Variants in MAGI1 observed in about 807,000 individuals in gnomAD.
The protein encoded by MAGI1 is membrane associated guanylate kinase, WW and PDZ domain containing 1.
In MAGI1, 58 loss-of-function variants were observed where a neutral mutation model predicts 139.9. The observed-to-expected ratio is 0.41, with a 90% confidence interval of 0.34 to 0.52. The LOEUF is 0.52. Ranked by LOEUF, MAGI1 falls within the 20% of genes least tolerant of loss-of-function variation. The probability of loss-of-function intolerance (pLI) is 0.12; values close to 1 mark genes in which losing one functional copy is unlikely to be tolerated. For missense variants in MAGI1, 1,874 were observed against 1,901.6 expected (o/e 0.99, Z 0.27); for synonymous variants, 812 against 737.9 (o/e 1.10, Z -1.63).
chr3:65,866,837 C>T (rs2108467388), intron 1 of MAGI1, among the ~76,000 whole-genome samples: 1 of 152,172 alleles, frequency 6.6e-6, no homozygotes, highest in East Asian at 1.9e-4. Flanking sequence ...TTACCAAGAG[C>T]AAAAGAAGTC....
At chr3:65,750,492 TAAATAGTGATTTGATTTGTTTAAC>T (rs2036057686) in intron 1 of MAGI1, among the ~76,000 whole-genome samples, 1 of 152,210 alleles carries the variant, frequency 6.6e-6, no homozygotes, top group Non-Finnish European at 1.5e-5. Flanking sequence ...ATAGTTACTC[TAAATAGTGATTTGATTTGTTTAAC>T]AAATACTGGT....
In MAGI1 at chr3:65,889,235, T is replaced by C. The variant is rs2060646743; in HGVS notation, c.313+148761A>G. 2.0e-5 allele frequency among the ~76,000 whole-genome samples: 3 copies of C among 152,158 alleles called. No homozygotes were observed. The South Asian group carries it at 6.2e-4, about 32-fold the overall frequency. ...ATGGGTCAGAGTGAGATGGCTGAATTAAATAAGCAAAGAAAGTAATCATCT... is the reference window on the plus strand; with the variant it reads ...ATGGGTCAGAGTGAGATGGCTGAATCAAATAAGCAAAGAAAGTAATCATCT... On this transcript the variant is annotated intron_variant, in intron 1 of 22. Coordinates refer to ENST00000402939, the MANE Select transcript of MAGI1 (RefSeq NM_001033057.2).
At chr3:65,955,322 A>C (rs1480229517) in intron 1 of MAGI1, among the ~76,000 whole-genome samples, 1 of 152,230 alleles carries the variant, frequency 6.6e-6, no homozygotes, top group Non-Finnish European at 1.5e-5. Context: ...CCTGGACAAC[A>C]CTGCCTCTTA....
chr3:65,909,687 C>T (rs1187879531), intron 1 of MAGI1, among the ~76,000 whole-genome samples: 1 of 152,108 alleles, frequency 6.6e-6, no homozygotes, highest in Non-Finnish European at 1.5e-5. Flanking sequence ...CAGAGTGAGA[C>T]CCTGTATCCC....
chr3:65,420,853 T>C (rs1473300589), intron 12 of MAGI1, among the ~76,000 whole-genome samples: 2 of 152,208 alleles, frequency 1.3e-5, no homozygotes, highest in Non-Finnish European at 2.9e-5. Context: ...TCAAGGAGAA[T>C]GAGACATTGC....
intron 1 of MAGI1, among the ~76,000 whole-genome samples, chr3:65,855,895 A>G (rs1457264602): frequency 6.6e-6 from 1 of 151,742 alleles, no homozygotes; most frequent in Non-Finnish European, 1.5e-5. Flanking sequence ...ACAGCTAGTC[A>G]CTGGAAGCTT....
chr3:65,706,982 GATTTC>G (rs535867745), intron 1 of MAGI1, among the ~76,000 whole-genome samples: 153 of 152,258 alleles, frequency 1.0e-3, no homozygotes, highest in African/African-American at 3.6e-3. Flanking sequence ...ACCACCTGTG[GATTTC>G]ATTTATCATT....
chr3:65,831,885 G>A (rs2042549860), intron 1 of MAGI1, among the ~76,000 whole-genome samples: 1 of 152,174 alleles, frequency 6.6e-6, no homozygotes, highest in Non-Finnish European at 1.5e-5. Context: ...GGGCCACAAG[G>A]TTACAGCTTG....
intron 2 of MAGI1, among the ~76,000 whole-genome samples, chr3:65,584,817 TA>T (rs1271345435): frequency 1.3e-5 from 2 of 152,266 alleles, no homozygotes; most frequent in African/African-American, 4.8e-5. Flanking sequence ...TACTCATTTT[TA>T]TCTCATTCAT....
At chr3:65,608,336 G>A (rs1341997786) in intron 2 of MAGI1, among the ~76,000 whole-genome samples, 2 of 152,064 alleles carry the variant, frequency 1.3e-5, no homozygotes, top group Non-Finnish European at 2.9e-5. Context: ...AGCTACTAGG[G>A]AGGCTAAGGC....
intron 1 of MAGI1, among the ~76,000 whole-genome samples, chr3:65,868,601 C>T (rs1254628512): frequency 1.3e-5 from 2 of 152,136 alleles, no homozygotes; most frequent in Admixed American, 6.6e-5. Flanking sequence ...CACATCCAGT[C>T]TTTCCTGCTC....
intron 1 of MAGI1, among the ~76,000 whole-genome samples, chr3:65,896,650 G>A (rs1295579032): frequency 1.3e-5 from 2 of 152,070 alleles, no homozygotes; most frequent in Non-Finnish European, 2.9e-5. Flanking sequence ...ACTCCAGGCA[G>A]GGCATCAGAG....
At position 65,542,402 on chromosome 3, in the gene MAGI1, A is replaced by G. The variant is rs541990607; in HGVS notation, c.431-48771T>C. On this transcript the variant is annotated intron_variant, in intron 2 of 22. Coordinates refer to ENST00000402939, the MANE Select transcript of MAGI1 (RefSeq NM_001033057.2). ...TCAAGCTACCATTGACTTTCTTCAC[A>G]GAATTAGAAAAAACTACTTTAAATT... Among the ~76,000 whole-genome samples the G allele has an allele frequency of 2.8e-3, 432 of 152,344 alleles. 2 individuals carry two copies. The highest frequency in any genetic ancestry group is 9.6e-3 in the African/African-American group (398 of 41,582).
intron 1 of MAGI1, among the ~76,000 whole-genome samples, chr3:65,910,172 A>C (rs1015857675): frequency 6.6e-6 from 1 of 152,228 alleles, no homozygotes; most frequent in Non-Finnish European, 1.5e-5. Flanking sequence ...CCTTCTGTCT[A>C]TGTTTGGATA....
intron 1 of MAGI1, among the ~76,000 whole-genome samples, chr3:65,953,013 C>T (rs2063942584): frequency 6.6e-6 from 1 of 152,128 alleles, no homozygotes; most frequent in Non-Finnish European, 1.5e-5. Flanking sequence ...TTATTATCCC[C>T]CTTTTACAGA....
At chr3:65,601,080 G>T (rs2082460438) in intron 2 of MAGI1, among the ~76,000 whole-genome samples, 1 of 152,206 alleles carries the variant, frequency 6.6e-6, no homozygotes, top group African/African-American at 2.4e-5. Flanking sequence ...CACAGAGAAA[G>T]TGCTGACTAA....
chr3:65,978,366 C>T (rs926804687), intron 1 of MAGI1, among the ~76,000 whole-genome samples: 1 of 152,152 alleles, frequency 6.6e-6, no homozygotes, highest in Admixed American at 6.5e-5. Context: ...GAAATTCTGC[C>T]TCCTTCCCAC....
At chr3:66,019,827 T>C (rs749242822) in intron 1 of MAGI1, among the ~76,000 whole-genome samples, 2 of 152,178 alleles carry the variant, frequency 1.3e-5, no homozygotes, top group Non-Finnish European at 2.9e-5. Context: ...CACCATCCCA[T>C]TGGAGGTAGC....
chr3:65,719,310 C>CAT (rs1215074386), intron 1 of MAGI1, among the ~76,000 whole-genome samples: 12 of 150,016 alleles, frequency 8.0e-5, no homozygotes, highest in Admixed American at 1.3e-4. Flanking sequence ...TGTGTATATA[C>CAT]ATATATATAT....
Sources: gnomAD v4.1 joint callset for allele counts (sites outside exome capture counted in the v4.1 genomes callset) on GRCh38, gnomAD v4.1.1 for gene constraint, MANE v1.5 for transcripts, NCBI Gene and HGNC (gene_info 2026-07-23, HGNC 2026-07-21) for gene names.